Variants in DPYD observed in about 807,000 individuals in gnomAD.
DPYD encodes dihydropyrimidine dehydrogenase [NADP(+)].
A neutral mutation model predicts 116.2 loss-of-function variants in DPYD; 109 were observed. That is an observed-to-expected ratio of 0.94 (90% CI 0.80 to 1.10). The LOEUF is 1.10. DPYD is among the 50% of genes least tolerant of loss of function. The probability of loss-of-function intolerance (pLI) is 0.00; values close to 1 mark genes in which losing one functional copy is unlikely to be tolerated. For synonymous variants in DPYD, 440 were observed against 432.0 expected, an observed-to-expected ratio of 1.02 and a Z score of -0.23; for missense variants, 1,302 against 1,254.5, an observed-to-expected ratio of 1.04 and a Z score of -0.57.
intron 15 of DPYD, among the ~76,000 whole-genome samples, chr1:97,374,666 C>T (rs1227539899): frequency 8.1e-6 from 1 of 122,900 alleles, no homozygotes; most frequent in Non-Finnish European, 1.6e-5. Context: ...TTGCAGTAAG[C>T]TGAGATCGCA....
intron 6 of DPYD, among the ~76,000 whole-genome samples, chr1:97,693,714 G>T (rs561072673): frequency 6.6e-6 from 1 of 152,190 alleles, no homozygotes; most frequent in Admixed American, 6.5e-5. Context: ...TATGAACAAA[G>T]AATTCCAGCC....
intron 18 of DPYD, among the ~76,000 whole-genome samples, chr1:97,285,847 C>A (rs1665642178): frequency 2.0e-5 from 3 of 152,046 alleles, no homozygotes; most frequent in African/African-American, 7.2e-5. Flanking sequence ...TTTAGTGAGA[C>A]TTTTGGAGAG....
intron 16 of DPYD, among the ~76,000 whole-genome samples, chr1:97,340,977 C>A (rs1000392): frequency 0.041 from 6,232 of 152,258 alleles, 434 homozygotes; most frequent in African/African-American, 0.14. Context: ...AAATCTAAAT[C>A]TAAACCAACA....
intron 7 of DPYD, among the ~76,000 whole-genome samples, chr1:97,689,879 T>C (rs1660924715): frequency 1.3e-5 from 2 of 152,090 alleles, no homozygotes; most frequent in Admixed American, 6.5e-5. Context: ...ATATACAGTT[T>C]ATTGTTTACA....
chr1:97,301,280 AT>A (rs1412303149), intron 18 of DPYD, among the ~76,000 whole-genome samples: 26 of 152,100 alleles, frequency 1.7e-4, no homozygotes, highest in Non-Finnish European at 3.2e-4. Flanking sequence ...ACTGAAAAAA[AT>A]GTGTTCTATT....
chr1:97,758,810 A>G (rs1488612339), intron 3 of DPYD, among the ~76,000 whole-genome samples: 3 of 152,178 alleles, frequency 2.0e-5, no homozygotes, highest in Non-Finnish European at 4.4e-5. Context: ...TGCACAGGAA[A>G]CATCAAGCTT....
At chr1:97,600,374 T>C (rs773322026) in intron 8 of DPYD, among the ~76,000 whole-genome samples, 6 of 152,244 alleles carry the variant, frequency 3.9e-5, no homozygotes, top group Non-Finnish European at 8.8e-5. Flanking sequence ...ATTAAACATG[T>C]ATTTATGGAA....
At chr1:97,308,033 T>G (rs937015592) in intron 16 of DPYD, among the ~76,000 whole-genome samples, 3 of 151,834 alleles carry the variant, frequency 2.0e-5, no homozygotes, top group African/African-American at 7.2e-5. Context: ...ATTTGAAATA[T>G]TATTTGGTTC....
At chr1:97,222,181 T>G (rs541623335) in intron 19 of DPYD, among the ~76,000 whole-genome samples, 8 of 152,238 alleles carry the variant, frequency 5.3e-5, no homozygotes, top group African/African-American at 1.9e-4. Flanking sequence ...GAAAAAGAAG[T>G]CAGACCGTTA....
chr1:97,870,871 A>G (rs1477651169), intron 2 of DPYD, among the ~76,000 whole-genome samples: 1 of 151,856 alleles, frequency 6.6e-6, no homozygotes, highest in African/African-American at 2.4e-5. Context: ...TCAGGCCTCT[A>G]GCATTTTACG....
chr1:97,311,170 T>C (rs547610335), intron 16 of DPYD, among the ~76,000 whole-genome samples: 1 of 151,814 alleles, frequency 6.6e-6, no homozygotes, highest in South Asian at 2.1e-4. Context: ...AAACTATTGA[T>C]ATATTTGAAG....
At chr1:97,297,719 C>T (rs1184551827) in intron 18 of DPYD, among the ~76,000 whole-genome samples, 2 of 152,122 alleles carry the variant, frequency 1.3e-5, no homozygotes, top group African/African-American at 4.8e-5. Flanking sequence ...GGTTTGAGAA[C>T]ATAACTAGGT....
intron 7 of DPYD, among the ~76,000 whole-genome samples, chr1:97,682,807 C>T (rs1312238624): frequency 6.6e-6 from 1 of 151,996 alleles, no homozygotes; most frequent in African/African-American, 2.4e-5. Flanking sequence ...TTCTACCTTC[C>T]TCTAATGACT....
Position 97,686,403 on chromosome 1 carries a change from G to A in DPYD, c.762+5314C>T, listed in dbSNP as rs561282308. ...TGTAATCCCAGCACTTTGGGAGGCC[G>A]AGGCGGGCGGATCACGAGGTCAGGA... On this transcript the variant is annotated intron_variant, in intron 7 of 22. Coordinates refer to ENST00000370192, the MANE Select transcript of DPYD (RefSeq NM_000110.4). 1.8e-3 allele frequency among the ~76,000 whole-genome samples: 275 copies of A among 151,660 alleles called. 1 individual carries two copies. Among genetic ancestry groups the A allele is most frequent in the African/African-American group, 6.1e-3 (251 of 41,366 alleles).
In DPYD at chr1:97,450,116, T is replaced by C. The variant is rs1282391985; in HGVS notation, c.1848A>G (p.Lys616=). 2.5e-6 allele frequency: 4 copies of C among 1,613,884 alleles called. No homozygotes were observed. Among genetic ancestry groups the C allele is most frequent in the East Asian group, 4.5e-5 (2 of 44,876 alleles). The change falls in exon 14 of 23, where the codon AAA becomes AAG. Residue 616 remains lysine, a synonymous_variant. Coordinates refer to ENST00000370192, the MANE Select transcript of DPYD (RefSeq NM_000110.4). ...CACTTTGACACCAATATGCAGCCGT[T>C]TTCTCACTGATGAGCTCAATATTCA... ...SFLNIELISE[K]TAAYWCQSVT... is the part of the protein sequence containing the mutation.
chr1:97,768,761 C>T (rs1665999524), intron 3 of DPYD, among the ~76,000 whole-genome samples: 2 of 151,816 alleles, frequency 1.3e-5, no homozygotes, highest in Non-Finnish European at 2.9e-5. Context: ...GCATCTTTTC[C>T]AAATAAGAAA....
chr1:97,129,077 T>TC (rs34774035), intron 20 of DPYD, among the ~76,000 whole-genome samples: 23,156 of 151,516 alleles, frequency 0.15, 2,019 homozygotes, highest in East Asian at 0.31. Context: ...TTCTTTTTTT[T>TC]TTTTTTTTAT....
intron 18 of DPYD, among the ~76,000 whole-genome samples, chr1:97,297,652 G>T (rs907085047): frequency 1.3e-5 from 2 of 152,152 alleles, no homozygotes; most frequent in Non-Finnish European, 2.9e-5. Flanking sequence ...CAAGAAAGCA[G>T]TAAATTAAGA....
chr1:97,346,946 A>T (rs1198319681), intron 16 of DPYD, among the ~76,000 whole-genome samples: 1 of 151,814 alleles, frequency 6.6e-6, no homozygotes, highest in Non-Finnish European at 1.5e-5. Flanking sequence ...TTATTTTATT[A>T]TTATTATTGA....
Sources: gnomAD v4.1 joint callset for allele counts (sites outside exome capture counted in the v4.1 genomes callset) on GRCh38, gnomAD v4.1.1 for gene constraint, MANE v1.5 for transcripts, NCBI Gene and HGNC (gene_info 2026-07-23, HGNC 2026-07-21) for gene names.